Variants in TSPAN12 observed in about 807,000 individuals in gnomAD.
TSPAN12 encodes tetraspanin-12.
A neutral mutation model predicts 39.2 loss-of-function variants in TSPAN12; 19 were observed. The observed-to-expected ratio is 0.49, with a 90% CI of 0.34 to 0.71. The LOEUF (loss-of-function observed/expected upper bound fraction) is 0.71, where lower values mean the gene tolerates loss of function less well. Among genes scored for constraint, TSPAN12 ranks in the 30% least tolerant of loss-of-function variants. TSPAN12 has a pLI of 0.01. For synonymous variants in TSPAN12, 119 were observed against 124.8 expected (o/e 0.95, Z 0.31); for missense variants, 314 against 359.9 (o/e 0.87, Z 1.03).
chr7:120,841,513 C>T lies in TSPAN12; in HGVS notation c.67-1404G>A, dbSNP rs183225602. 5.3e-5 allele frequency among the ~76,000 whole-genome samples: 8 copies of T among 152,158 alleles called. No homozygotes were observed. In the East Asian group the frequency reaches 1.5e-3, roughly 29 times the overall value. On this transcript the variant is annotated intron_variant, in intron 2 of 7. Coordinates refer to ENST00000222747, the MANE Select transcript of TSPAN12 (RefSeq NM_012338.4). ...TGCAATACATTGACCTGGTTTGGATCCCGATTCAAACAAATCAACTACATA... is the reference window on the plus strand; with the variant it reads ...TGCAATACATTGACCTGGTTTGGATTCCGATTCAAACAAATCAACTACATA...
At chr7:120,856,938 G>A in intron 1 of TSPAN12, 105 bp from the exon 2 acceptor site, 3 of 691,162 alleles carry the variant, frequency 4.3e-6, no homozygotes, top group Non-Finnish European at 7.9e-6. Flanking sequence ...AGAGGGTCCC[G>A]AGGCCCAGTG....
At chr7:120,812,695 T>C (rs543755605) in intron 5 of TSPAN12, among the ~76,000 whole-genome samples, 1 of 152,200 alleles carries the variant, frequency 6.6e-6, no homozygotes, top group Non-Finnish European at 1.5e-5. Context: ...TTTGTGTTCA[T>C]ATGCCTTCAA....
chr7:120,791,608 T>C (rs1275666478), intron 7 of TSPAN12, among the ~76,000 whole-genome samples: 1 of 152,226 alleles, frequency 6.6e-6, no homozygotes, highest in Non-Finnish European at 1.5e-5. Flanking sequence ...CTAATTCATT[T>C]TAAGCTAAGA....
At chr7:120,813,686 C>T (rs1794025872) in intron 5 of TSPAN12, among the ~76,000 whole-genome samples, 1 of 152,086 alleles carries the variant, frequency 6.6e-6, no homozygotes, top group South Asian at 2.1e-4. Flanking sequence ...GCTGAGGTAA[C>T]AGGATCCAGA....
At chr7:120,843,594 C>T (rs1794617674) in intron 2 of TSPAN12, among the ~76,000 whole-genome samples, 1 of 152,176 alleles carries the variant, frequency 6.6e-6, no homozygotes, top group Non-Finnish European at 1.5e-5. Context: ...TAAGCACTTG[C>T]CCACAGTTCC....
At chr7:120,853,748 C>T (rs1489784279) in intron 2 of TSPAN12, among the ~76,000 whole-genome samples, 1 of 150,656 alleles carries the variant, frequency 6.6e-6, no homozygotes, top group Non-Finnish European at 1.5e-5. Flanking sequence ...GTGGTGCACA[C>T]CTGTAGTCCC....
rs144892129 is a variant in TSPAN12, at chr7:120,836,491, A to G, written c.285+2286T>C. ...AGTACATCCAAAAAGCAAAGTAGAG[A>G]TGGAAAAAAGCAAAATCAATCTATG... On this transcript the variant is annotated intron_variant, in intron 4 of 7. Coordinates refer to ENST00000222747, the MANE Select transcript of TSPAN12 (RefSeq NM_012338.4). Among the ~76,000 whole-genome samples, 85 of 152,318 alleles carry G rather than the reference A, an allele frequency of 5.6e-4. No individual in the cohort carries two copies. In the East Asian group the frequency reaches 0.01, roughly 18 times the overall value.
intron 7 of TSPAN12, among the ~76,000 whole-genome samples, chr7:120,793,528 A>G (rs1265480146): frequency 1.3e-5 from 2 of 152,202 alleles, no homozygotes; most frequent in African/African-American, 4.8e-5. Flanking sequence ...TCATTTCCTC[A>G]TTTTGTTTAA....
At chr7:120,812,893 A>C (rs909521596) in intron 5 of TSPAN12, among the ~76,000 whole-genome samples, 8 of 152,216 alleles carry the variant, frequency 5.3e-5, no homozygotes, top group Non-Finnish European at 1.0e-4. Flanking sequence ...TACAAAAAAA[A>C]CCAGAAATAA....
At chr7:120,816,149 T>G (rs1394220681) in intron 4 of TSPAN12, among the ~76,000 whole-genome samples, 1 of 152,118 alleles carries the variant, frequency 6.6e-6, no homozygotes, top group African/African-American at 2.4e-5. Context: ...GTGGACGAGG[T>G]GAAGTCAACA....
intron 2 of TSPAN12, among the ~76,000 whole-genome samples, chr7:120,852,518 TG>T (rs767554871): frequency 4.6e-5 from 7 of 152,210 alleles, no homozygotes; most frequent in Non-Finnish European, 8.8e-5. Flanking sequence ...CCAGCAACAT[TG>T]GCATCACAGA....
At chr7:120,810,710 T>C in intron 5 of TSPAN12, 140 bp from the exon 6 acceptor site, 1 of 661,154 alleles carries the variant, frequency 1.5e-6, no homozygotes, top group Non-Finnish European at 2.8e-6. Context: ...TTTAAATTTA[T>C]ATTTGCTCAT....
chr7:120,832,798 T>A (rs1437853735), intron 4 of TSPAN12, among the ~76,000 whole-genome samples: 1 of 152,152 alleles, frequency 6.6e-6, no homozygotes, highest in Non-Finnish European at 1.5e-5. Context: ...ACTGCTTGAT[T>A]CTTTGACAAG....
chr7:120,798,718 T>C (rs1209766828), intron 7 of TSPAN12, among the ~76,000 whole-genome samples: 1 of 152,126 alleles, frequency 6.6e-6, no homozygotes, highest in Admixed American at 6.5e-5. Context: ...CTGCCTTCGG[T>C]ATCCCTGTAA....
intron 7 of TSPAN12, among the ~76,000 whole-genome samples, chr7:120,800,354 G>C (rs956250774): frequency 2.6e-5 from 4 of 152,072 alleles, no homozygotes; most frequent in Non-Finnish European, 5.9e-5. Flanking sequence ...TTTGGACTTG[G>C]TGTTTGTCTC....
rs185675692 is a variant in TSPAN12, at chr7:120,834,065, C to T, written c.285+4712G>A. ...AATTAGAATTTAATTATTCTTAAAC[C>T]CCTCATATAAATACATAAAAATTTC... On this transcript the variant is annotated intron_variant, in intron 4 of 7. Coordinates refer to ENST00000222747, the MANE Select transcript of TSPAN12 (RefSeq NM_012338.4). 6.4e-4 allele frequency among the ~76,000 whole-genome samples: 98 copies of T among 151,948 alleles called. No individual in the cohort carries two copies. The Middle Eastern group carries it at 0.014, about 21-fold the overall frequency.
chr7:120,856,682 A>C lies in TSPAN12; in HGVS notation c.66+16T>G. ...GCCAGCCGTTCCCACCTGTTGGTGC[A>C]GTGAAACTTACTTACCCAAAAGAGC... is the stretch of plus-strand genomic sequence containing the variant. On this transcript the variant is annotated intron_variant, in intron 2 of 7. Transcript: ENST00000222747. 1 of 1,614,136 alleles carries C rather than the reference A, an allele frequency of 6.2e-7. No homozygotes were observed.
chr7:120,799,513 T>A (rs1218992012), intron 7 of TSPAN12, among the ~76,000 whole-genome samples: 3 of 121,472 alleles, frequency 2.5e-5, no homozygotes, highest in African/African-American at 6.6e-5. Context: ...TAATTAATTA[T>A]ATATAATTAA....
At chr7:120,819,485 C>T (rs751194641) in intron 4 of TSPAN12, among the ~76,000 whole-genome samples, 1 of 151,984 alleles carries the variant, frequency 6.6e-6, no homozygotes, top group Non-Finnish European at 1.5e-5. Flanking sequence ...TTATCCCATA[C>T]AAAATAATTT....
Sources: allele counts gnomAD v4.1 joint callset (sites outside exome capture counted in the v4.1 genomes callset), GRCh38; gene constraint gnomAD v4.1.1; transcripts MANE v1.5; gene names NCBI Gene and HGNC (gene_info 2026-07-23, HGNC 2026-07-21).